TBC1D2B: variants seen among roughly 807,000 people sequenced by gnomAD.
TBC1D2B encodes TBC1 domain family member 2B.
A neutral mutation model predicts 100.8 loss-of-function variants in TBC1D2B; 64 were observed. That is an observed-to-expected ratio of 0.64 (90% CI 0.52 to 0.78). The LOEUF (loss-of-function observed/expected upper bound fraction) is 0.78, where lower values mean the gene tolerates loss of function less well. Among genes scored for constraint, TBC1D2B ranks in the 30% least tolerant of loss-of-function variants. The pLI is 0.00. For synonymous variants in TBC1D2B, 480 were observed against 479.7 expected (o/e 1.00, Z -0.01); for missense variants, 1,052 against 1,218.4 (o/e 0.86, Z 2.03).
At chr15:78,027,922 C>A (rs1029920539) in intron 4 of TBC1D2B, among the ~76,000 whole-genome samples, 3 of 152,166 alleles carry the variant, frequency 2.0e-5, no homozygotes, top group Admixed American at 6.5e-5. Flanking sequence ...CACCATGTCA[C>A]ACTGGGCCAG....
intron 3 of TBC1D2B, among the ~76,000 whole-genome samples, chr15:78,031,039 T>C (rs149317226): frequency 1.3e-3 from 197 of 152,286 alleles, no homozygotes; most frequent in African/African-American, 4.6e-3. Flanking sequence ...ATACGTATCA[T>C]AGGGATAAAC....
chr15:78,005,982 T>A (rs190909091), intron 10 of TBC1D2B, among the ~76,000 whole-genome samples: 49 of 152,332 alleles, frequency 3.2e-4, no homozygotes, highest in African/African-American at 1.1e-3. Context: ...TACATTCAAC[T>A]TTTTTTAATG....
chr15:78,058,285 A>C (rs984970439), intron 1 of TBC1D2B, among the ~76,000 whole-genome samples: 4 of 152,194 alleles, frequency 2.6e-5, no homozygotes, highest in African/African-American at 9.6e-5. Context: ...ACAGTACCTC[A>C]GGATTATAAC....
chr15:78,012,409 T>C (rs569190623), intron 9 of TBC1D2B, among the ~76,000 whole-genome samples: 1 of 152,350 alleles, frequency 6.6e-6, no homozygotes, highest in South Asian at 2.1e-4. Context: ...AAGGGCTAAG[T>C]TTCAGTCAGC....
At chr15:78,019,772 G>A (rs1446922976) in intron 6 of TBC1D2B, among the ~76,000 whole-genome samples, 1 of 151,758 alleles carries the variant, frequency 6.6e-6, no homozygotes, top group African/African-American at 2.4e-5. Context: ...CACACCTATA[G>A]TCCCAGCTAC....
Position 78,024,615 on chromosome 15 carries a change from C to G in TBC1D2B, c.1087-76G>C, listed in dbSNP as rs2072610624. 2.2e-5 allele frequency: 29 copies of G among 1,333,072 alleles called. 1 individual carries two copies. The South Asian group carries it at 3.9e-4, about 18-fold the overall frequency. The allele number at this position is 1,333,072 out of a possible 1,614,324, so 82.6% of individuals were successfully genotyped here. A position where few individuals can be genotyped will look rare whatever the true frequency, so the allele number is the denominator to read the frequency against. On this transcript the variant is annotated intron_variant, in intron 5 of 12. Coordinates refer to ENST00000300584, the MANE Select transcript of TBC1D2B (RefSeq NM_144572.2). ...AGGAAAAGCAGAAATCATGACATTA[C>G]ATGGAGTAATCGACAGAGTTTGAGG... is the stretch of plus-strand genomic sequence containing the variant.
chr15:78,063,766 T>C (rs1388886655), intron 1 of TBC1D2B, among the ~76,000 whole-genome samples: 1 of 152,154 alleles, frequency 6.6e-6, no homozygotes, highest in Admixed American at 6.5e-5. Flanking sequence ...TCTGATATAA[T>C]AGAATCGCCA....
chr15:78,072,156 T>C (rs1478385901), intron 1 of TBC1D2B, among the ~76,000 whole-genome samples: 1 of 152,204 alleles, frequency 6.6e-6, no homozygotes, highest in Non-Finnish European at 1.5e-5. Flanking sequence ...CACTAGTTTA[T>C]AGCATGTCTC....
At chr15:78,070,444 T>TC (rs1294394994) in intron 1 of TBC1D2B, among the ~76,000 whole-genome samples, 2 of 152,082 alleles carry the variant, frequency 1.3e-5, no homozygotes, top group Admixed American at 6.5e-5. Context: ...TTAACGTCTG[T>TC]CCCCCCCACC....
At chr15:78,020,136 G>A (rs114239919) in intron 6 of TBC1D2B, among the ~76,000 whole-genome samples, 1,635 of 152,254 alleles carry the variant, frequency 0.011, 28 homozygotes, top group African/African-American at 0.037. Flanking sequence ...TCTTGCCTCG[G>A]CCTCCCAAAG....
chr15:78,045,633 A>G (rs975210020), intron 2 of TBC1D2B, among the ~76,000 whole-genome samples: 1 of 152,274 alleles, frequency 6.6e-6, no homozygotes, highest in Admixed American at 6.5e-5. Context: ...ATGAAACTTC[A>G]CAACACATCT....
chr15:78,005,156 T>C (rs2072033281), intron 10 of TBC1D2B, among the ~76,000 whole-genome samples: 1 of 152,200 alleles, frequency 6.6e-6, no homozygotes, highest in African/African-American at 2.4e-5. Context: ...TGCCTCACTC[T>C]TAAGGCTGCT....
At chr15:78,037,943 T>TTG (rs1252980187) in intron 3 of TBC1D2B, among the ~76,000 whole-genome samples, 38 of 152,314 alleles carry the variant, frequency 2.5e-4, no homozygotes, top group Admixed American at 1.3e-4. Context: ...GGTAACATCC[T>TTG]GCCCAGGAAG....
intron 2 of TBC1D2B, among the ~76,000 whole-genome samples, chr15:78,046,627 C>A (rs574093048): frequency 1.3e-5 from 2 of 152,106 alleles, no homozygotes; most frequent in South Asian, 2.1e-4. Flanking sequence ...CGATGCCCAG[C>A]TAATTTTTGT....
In TBC1D2B at chr15:78,053,983, CG is replaced by C. The variant is rs1408976820; in HGVS notation, c.514+50del. The C allele has an allele frequency of 2.6e-6, 4 of 1,551,730 alleles. No homozygotes were observed. In the African/African-American group the frequency reaches 5.5e-5, roughly 22 times the overall value. ...TCACTGCTAAGTTCATATGTGGTAT[CG>C]AATGGCTTACACAAAGAACTGACCC... On this transcript the variant is annotated intron_variant, in intron 2 of 12. Transcript: ENST00000300584.
intron 10 of TBC1D2B, among the ~76,000 whole-genome samples, chr15:78,006,897 A>T (rs930494039): frequency 6.6e-6 from 1 of 152,244 alleles, no homozygotes; most frequent in Non-Finnish European, 1.5e-5. Flanking sequence ...AAAAGGAAAG[A>T]CAGGGCCGTG....
At chr15:78,072,701 C>T (rs182756167) in intron 1 of TBC1D2B, among the ~76,000 whole-genome samples, 7 of 152,362 alleles carry the variant, frequency 4.6e-5, no homozygotes, top group Admixed American at 4.6e-4. Context: ...TGATGACGCT[C>T]TCTTGCTCCA....
intron 3 of TBC1D2B, among the ~76,000 whole-genome samples, chr15:78,036,578 TACCAGCAGCC>T (rs2072951317): frequency 6.6e-6 from 1 of 152,084 alleles, no homozygotes; most frequent in African/African-American, 2.4e-5. Context: ...GGCCAAGGAA[TACCAGCAGCC>T]ACCAGAAGCT....
At chr15:78,069,939 T>C (rs1191969492) in intron 1 of TBC1D2B, among the ~76,000 whole-genome samples, 1 of 152,226 alleles carries the variant, frequency 6.6e-6, no homozygotes, top group Non-Finnish European at 1.5e-5. Context: ...CTGTTGTTTA[T>C]AAGCTACCCT....
Sources: gnomAD v4.1 joint callset for allele counts (sites outside exome capture counted in the v4.1 genomes callset) on GRCh38, gnomAD v4.1.1 for gene constraint, MANE v1.5 for transcripts, NCBI Gene and HGNC (gene_info 2026-07-23, HGNC 2026-07-21) for gene names.